Variants in CALN1 observed in about 807,000 individuals in gnomAD.
The protein encoded by CALN1 is calneuron 1, also known as calcium-binding protein 8.
In CALN1, 17 loss-of-function variants were observed where a neutral mutation model predicts 30.6. The ratio of observed to expected loss-of-function variants is 0.56; its 90% CI spans 0.38 to 0.83. The LOEUF (loss-of-function observed/expected upper bound fraction) is 0.83. CALN1 is among the 40% of genes least tolerant of loss of function. The pLI, the probability that CALN1 is intolerant of heterozygous loss-of-function variation, is 0.00. For synonymous variants in CALN1, 156 were observed against 131.4 expected (o/e 1.19, Z -1.28); for missense variants, 291 against 354.9 (o/e 0.82, Z 1.45).
chr7:71,974,224 C>A (rs909009002), intron 5 of CALN1, among the ~76,000 whole-genome samples: 3 of 151,976 alleles, frequency 2.0e-5, no homozygotes, highest in Non-Finnish European at 2.9e-5. Flanking sequence ...TCGAGACCAG[C>A]CTGGCCAACA....
At chr7:72,100,146 A>AT (rs1233927230) in intron 4 of CALN1, among the ~76,000 whole-genome samples, 2 of 121,938 alleles carry the variant, frequency 1.6e-5, no homozygotes, top group Admixed American at 1.8e-4. Context: ...CTTTTTTTTA[A>AT]TTTTTTTGAG....
chr7:72,251,366 CG>C (rs1217556628), intron 3 of CALN1, among the ~76,000 whole-genome samples: 1 of 152,030 alleles, frequency 6.6e-6, no homozygotes, highest in Admixed American at 6.6e-5. Context: ...GCAGTTACAC[CG>C]GGACATTCTT....
intron 5 of CALN1, among the ~76,000 whole-genome samples, chr7:71,867,333 G>A (rs1791646255): frequency 6.6e-6 from 1 of 152,118 alleles, no homozygotes; most frequent in Non-Finnish European, 1.5e-5. Context: ...TGTCCTTAGG[G>A]GAATGACAGG....
chr7:72,129,556 G>A (rs750683086), intron 3 of CALN1, among the ~76,000 whole-genome samples: 1 of 152,164 alleles, frequency 6.6e-6, no homozygotes, highest in Non-Finnish European at 1.5e-5. Context: ...GGTTTCTTAA[G>A]TCCTCATATT....
chr7:72,360,502 A>C (rs912790867), intron 2 of CALN1, among the ~76,000 whole-genome samples: 18 of 151,962 alleles, frequency 1.2e-4, no homozygotes, highest in Admixed American at 2.6e-4. Flanking sequence ...AATGGGTTTC[A>C]TAAAAGCCAA....
chr7:72,493,490 C>A, the CALN1 span, among the ~76,000 whole-genome samples: 1 of 152,050 alleles, frequency 6.6e-6, no homozygotes, highest in Admixed American at 6.6e-5. Flanking sequence ...AAGCATGCAC[C>A]ACCACTCCCA....
At chr7:72,408,510 A>C (rs1720675367) in intron 1 of CALN1, among the ~76,000 whole-genome samples, 1 of 151,972 alleles carries the variant, frequency 6.6e-6, no homozygotes, top group Admixed American at 6.6e-5. Flanking sequence ...CAGAGAGCGT[A>C]ACTGGAATAT....
rs150646986 is a variant in CALN1 at position 71,931,721 on chromosome 7, C to T, written c.501+91936G>A. Reference sequence around the variant, plus strand: ...GGATACAGTGCAATCCCAGTCATAACTGTGGATAGTTAGACAGGGATTCTC... The same window carrying T: ...GGATACAGTGCAATCCCAGTCATAATTGTGGATAGTTAGACAGGGATTCTC... On this transcript the variant is annotated intron_variant, in intron 5 of 6. Coordinates refer to ENST00000395275, the MANE Select transcript of CALN1 (RefSeq NM_031468.4). Among the ~76,000 whole-genome samples, 944 of 152,296 alleles carry T rather than the reference C, an allele frequency of 6.2e-3. 10 individuals are homozygous for T. Among genetic ancestry groups the T allele is most frequent in the African/African-American group, 0.021 (884 of 41,556 alleles).
intron 1 of CALN1, 37 bp from the exon 2 acceptor site, chr7:72,403,479 T>C (rs972292112): frequency 2.6e-6 from 2 of 763,838 alleles, no homozygotes; most frequent in African/African-American, 3.5e-5. Context: ...GCCTGCACAG[T>C]GCTGGGCGAT....
At chr7:71,801,420 G>GTATTTATC (rs1469408457) in intron 6 of CALN1, among the ~76,000 whole-genome samples, 3 of 102,456 alleles carry the variant, frequency 2.9e-5, no homozygotes, top group African/African-American at 1.1e-4. Context: ...ATGTATGTAT[G>GTATTTATC]TATGTATGTA....
At chr7:72,316,983 GA>G (rs145761580) in intron 2 of CALN1, among the ~76,000 whole-genome samples, 12,417 of 135,264 alleles carry the variant, frequency 0.092, 952 homozygotes, top group East Asian at 0.4. Flanking sequence ...GAAAGGAAAG[GA>G]AAAAAAAAGG....
chr7:72,125,598 TAC>T (rs2129542491), intron 3 of CALN1, among the ~76,000 whole-genome samples: 1 of 152,290 alleles, frequency 6.6e-6, no homozygotes, highest in Non-Finnish European at 1.5e-5. Context: ...AGGAACAGGT[TAC>T]AGTGTTTTAA....
chr7:71,806,930 C>T (rs183715470), intron 6 of CALN1, among the ~76,000 whole-genome samples: 1 of 152,218 alleles, frequency 6.6e-6, no homozygotes, highest in African/African-American at 2.4e-5. Flanking sequence ...CTGCTGCAAA[C>T]CCTGCTGTCT....
upstream of CALN1, among the ~76,000 whole-genome samples, chr7:72,450,321 A>G (rs918993850): frequency 6.6e-6 from 1 of 152,152 alleles, no homozygotes; most frequent in Admixed American, 6.5e-5. Context: ...CCTTAAAGAA[A>G]GGTGTGGGAA....
chr7:72,218,231 C>T (rs1792995405), intron 3 of CALN1, among the ~76,000 whole-genome samples: 2 of 151,578 alleles, frequency 1.3e-5, no homozygotes, highest in African/African-American at 2.4e-5. Flanking sequence ...GGCGGATCAC[C>T]AGGTCAGGAG....
intron 3 of CALN1, among the ~76,000 whole-genome samples, chr7:72,132,895 G>A (rs763242649): frequency 8.5e-5 from 13 of 152,144 alleles, no homozygotes; most frequent in South Asian, 2.1e-4. Context: ...AGCAGCGGGC[G>A]AGTGAACATT....
intron 4 of CALN1, among the ~76,000 whole-genome samples, chr7:72,053,699 A>G (rs142163685): frequency 6.6e-6 from 1 of 152,112 alleles, no homozygotes; most frequent in Non-Finnish European, 1.5e-5. Flanking sequence ...GATTACGAGT[A>G]AGCTTTTTAG....
chr7:71,874,279 T>A (rs1443666149), intron 5 of CALN1, among the ~76,000 whole-genome samples: 7 of 97,640 alleles, frequency 7.2e-5, no homozygotes, highest in African/African-American at 1.2e-4. Flanking sequence ...TCTCAAACAT[T>A]AAAAAAAAAA....
intron 5 of CALN1, among the ~76,000 whole-genome samples, chr7:71,978,021 C>T (rs140181859): frequency 2.0e-4 from 30 of 151,206 alleles, no homozygotes; most frequent in African/African-American, 7.3e-4. Context: ...CAGACTAACA[C>T]ACATCTTAGC....
Sources: allele counts gnomAD v4.1 joint callset (sites outside exome capture counted in the v4.1 genomes callset), GRCh38; gene constraint gnomAD v4.1.1; transcripts MANE v1.5; gene names NCBI Gene and HGNC (gene_info 2026-07-23, HGNC 2026-07-21).